The following STXBP5L variants were observed in gnomAD, a reference collection of about 807,000 sequenced individuals.
The protein encoded by STXBP5L is syntaxin-binding protein 5-like.
Under a neutral mutation model 144.5 loss-of-function variants are expected in STXBP5L, and 65 were observed. That is an observed-to-expected ratio of 0.45 (90% confidence interval 0.37 to 0.55). The LOEUF (loss-of-function observed/expected upper bound fraction) is 0.55. Among genes scored for constraint, STXBP5L ranks in the 20% least tolerant of loss-of-function variants. STXBP5L has a pLI of 0.00. For missense variants in STXBP5L, 1,298 were observed against 1,405.5 expected, an observed-to-expected ratio of 0.92 and a Z score of 1.22; for synonymous variants, 505 against 469.6, an observed-to-expected ratio of 1.08 and a Z score of -0.97.
intron 3 of STXBP5L, among the ~76,000 whole-genome samples, chr3:120,965,175 T>C (rs1412607195): frequency 1.3e-5 from 2 of 152,164 alleles, no homozygotes; most frequent in African/African-American, 4.8e-5. Context: ...ATGTGTGTCT[T>C]TGCATATGAG....
chr3:121,289,053 A>T (rs2051328187), intron 19 of STXBP5L, among the ~76,000 whole-genome samples: 1 of 152,162 alleles, frequency 6.6e-6, no homozygotes, highest in African/African-American at 2.4e-5. Context: ...AATAATCTGT[A>T]CACCAAACTC....
chr3:120,973,141 C>A (rs1338720504), intron 3 of STXBP5L, among the ~76,000 whole-genome samples: 2 of 152,050 alleles, frequency 1.3e-5, no homozygotes, highest in Non-Finnish European at 2.9e-5. Flanking sequence ...TTTAGTAGAA[C>A]CACCATAAGT....
At chr3:121,360,994 C>T (rs2045696805) in intron 20 of STXBP5L, among the ~76,000 whole-genome samples, 1 of 152,092 alleles carries the variant, frequency 6.6e-6, no homozygotes, top group Non-Finnish European at 1.5e-5. Context: ...GATGAACTCC[C>T]TCAGCTTTTG....
chr3:121,136,997 T>C (rs1164893129), intron 7 of STXBP5L, among the ~76,000 whole-genome samples: 1 of 152,192 alleles, frequency 6.6e-6, no homozygotes, highest in Non-Finnish European at 1.5e-5. Flanking sequence ...AAATACTCCA[T>C]GTGCTCCTTA....
intron 3 of STXBP5L, among the ~76,000 whole-genome samples, chr3:120,974,925 A>C (rs969949052): frequency 9.2e-5 from 14 of 152,158 alleles, no homozygotes; most frequent in African/African-American, 3.4e-4. Flanking sequence ...TACCAGTACC[A>C]TGCTGTTTTG....
chr3:121,373,973 C>T (rs2046107943), intron 20 of STXBP5L, among the ~76,000 whole-genome samples: 1 of 152,148 alleles, frequency 6.6e-6, no homozygotes, highest in Admixed American at 6.5e-5. Context: ...ACCCAAGGGC[C>T]CAAAGACCAG....
chr3:121,080,636 T>A (rs1180272059), intron 5 of STXBP5L, among the ~76,000 whole-genome samples: 1 of 152,196 alleles, frequency 6.6e-6, no homozygotes, highest in Non-Finnish European at 1.5e-5. Flanking sequence ...TTTAAGGAGG[T>A]GGAAGATGGG....
At chr3:120,961,855 T>C (rs534820282) in intron 3 of STXBP5L, among the ~76,000 whole-genome samples, 1 of 152,236 alleles carries the variant, frequency 6.6e-6, no homozygotes, top group Non-Finnish European at 1.5e-5. Context: ...CCACACTGTC[T>C]TCCACAATAG....
At chr3:121,214,841 G>GT (rs952172065) in intron 10 of STXBP5L, among the ~76,000 whole-genome samples, 9 of 151,504 alleles carry the variant, frequency 5.9e-5, no homozygotes, top group East Asian at 1.9e-4. Context: ...GGGAGTCTAA[G>GT]TTTTTTTTTG....
At position 121,398,541 on chromosome 3, in the gene STXBP5L, T is replaced by A. The variant is rs184081015; in HGVS notation, c.2588-8702T>A. Among the ~76,000 whole-genome samples, 200 of 152,352 alleles carry A rather than the reference T, an allele frequency of 1.3e-3. 2 individuals carry two copies. Among genetic ancestry groups the A allele is most frequent in the Non-Finnish European group, 1.1e-3 (74 of 68,038 alleles). ...TGCTTAGCCCAATGTTTTCCTTTTT[T>A]ACATTTTAGACATATTTCAGGCTCA... On this transcript the variant is annotated intron_variant, in intron 22 of 26. Coordinates refer to ENST00000471454, the MANE Select transcript of STXBP5L (RefSeq NM_001308330.2).
intron 9 of STXBP5L, among the ~76,000 whole-genome samples, chr3:121,190,663 G>T (rs1377437092): frequency 3.9e-5 from 6 of 152,072 alleles, no homozygotes; most frequent in Non-Finnish European, 8.8e-5. Flanking sequence ...CCCAGATGGG[G>T]TGGCTGGCTG....
At chr3:121,297,003 A>C (rs1053419136) in intron 19 of STXBP5L, among the ~76,000 whole-genome samples, 1 of 152,180 alleles carries the variant, frequency 6.6e-6, no homozygotes, top group Admixed American at 6.5e-5. Context: ...CAGCATCCCA[A>C]CTGTGTCACT....
At chr3:121,018,829 AT>A (rs1945331752) in intron 3 of STXBP5L, among the ~76,000 whole-genome samples, 1 of 152,216 alleles carries the variant, frequency 6.6e-6, no homozygotes, top group South Asian at 2.1e-4. Context: ...CTTTTACTTC[AT>A]GAATTACTGC....
intron 20 of STXBP5L, among the ~76,000 whole-genome samples, chr3:121,361,029 T>C (rs1472433210): frequency 3.9e-5 from 6 of 152,142 alleles, no homozygotes. Context: ...TCTTTATTAG[T>C]TCCGCATGTT....
intron 9 of STXBP5L, among the ~76,000 whole-genome samples, chr3:121,184,778 T>C (rs930253771): frequency 6.6e-6 from 1 of 151,804 alleles, no homozygotes; most frequent in Non-Finnish European, 1.5e-5. Context: ...TTCGCCAAGG[T>C]TGAAATGAAA....
chr3:121,033,865 A>G (rs1946561606), intron 3 of STXBP5L, among the ~76,000 whole-genome samples: 1 of 152,096 alleles, frequency 6.6e-6, no homozygotes, highest in South Asian at 2.1e-4. Flanking sequence ...TGAAAACATG[A>G]ATTAAACTGA....
chr3:121,419,166 T>C lies in STXBP5L; in HGVS notation c.*69T>C. The C allele has an allele frequency of 6.8e-7, 1 of 1,464,682 alleles. No individual in the cohort carries two copies. Among genetic ancestry groups the C allele is most frequent in the Non-Finnish European group, 9.4e-7 (1 of 1,066,856 alleles). 90.7% of individuals were successfully genotyped at this position (1,464,682 alleles called of 1,614,324 possible). A position where few individuals can be genotyped will look rare whatever the true frequency, so the allele number is the denominator to read the frequency against. On this transcript the variant is annotated 3_prime_UTR_variant, in exon 27 of 27. Coordinates refer to ENST00000471454, the MANE Select transcript of STXBP5L (RefSeq NM_001308330.2). ...AAACCAAATTTATTCCCAGCATCAC[T>C]ACTCAACTGCTAGAAGCCAGTTTCT...
At chr3:121,322,923 G>A (rs1292729886) in intron 20 of STXBP5L, among the ~76,000 whole-genome samples, 1 of 152,142 alleles carries the variant, frequency 6.6e-6, no homozygotes, top group Non-Finnish European at 1.5e-5. Context: ...GTGTGGTTTT[G>A]ATTTGGATTT....
chr3:121,381,980 C>T (rs2046333715), intron 22 of STXBP5L, among the ~76,000 whole-genome samples: 1 of 152,088 alleles, frequency 6.6e-6, no homozygotes, highest in South Asian at 2.1e-4. Context: ...ATAACCTTCC[C>T]ATCTTGTTTC....
Sources: allele counts gnomAD v4.1 joint callset (sites outside exome capture counted in the v4.1 genomes callset), GRCh38; gene constraint gnomAD v4.1.1; transcripts MANE v1.5; gene names NCBI Gene and HGNC (gene_info 2026-07-23, HGNC 2026-07-21).